The following CYP2B6 variants were observed in gnomAD, a reference collection of about 807,000 sequenced individuals.
The protein encoded by CYP2B6 is cytochrome P450 family 2 subfamily B member 6, also known as cytochrome P450 2B6.
A neutral mutation model predicts 43.4 loss-of-function variants in CYP2B6; 35 were observed. That is an observed-to-expected ratio of 0.81 (90% CI 0.62 to 1.07). The LOEUF is 1.07. CYP2B6 is among the 50% of genes least tolerant of loss of function. The pLI is 0.00. For missense variants in CYP2B6, 624 were observed against 632.8 expected, an observed-to-expected ratio of 0.99 and a Z score of 0.15; for synonymous variants, 239 against 239.2, an observed-to-expected ratio of 1.00 and a Z score of 0.01.
chr19:41,004,331 G>T lies in CYP2B6; in HGVS notation c.369G>T (p.Val123=), dbSNP rs1969143031. The T allele has an allele frequency of 1.9e-6, 3 of 1,614,004 alleles. No homozygotes were observed. Residue 123 remains valine, a synonymous_variant, in exon 3 of 9, where the codon GTG becomes GTT. Transcript: ENST00000324071. ...TTGCCAATGGAAACCGCTGGAAGGT[G>T]CTTCGGCGATTCTCTGTGACCACTA... ...VIFANGNRWK[V]LRRFSVTTMR...
chr19:41,012,057 T>C (rs967329375), intron 6 of CYP2B6, among the ~76,000 whole-genome samples: 1 of 152,152 alleles, frequency 6.6e-6, no homozygotes, highest in Non-Finnish European at 1.5e-5. Context: ...CAAGTGATTC[T>C]CCTGCCTCAG....
intron 1 of CYP2B6, among the ~76,000 whole-genome samples, chr19:41,002,215 C>G (rs142525808): frequency 1.3e-3 from 203 of 152,168 alleles, no homozygotes; most frequent in African/African-American, 4.7e-3. Flanking sequence ...TGGGGTTACC[C>G]TGGCTTGTGG....
chr19:41,009,139 T>C (rs972483030), intron 4 of CYP2B6, 80 bp from the exon 5 acceptor site: 68 of 1,192,494 alleles, frequency 5.7e-5, no homozygotes, highest in Middle Eastern at 2.6e-4. Context: ...CATGGAGGGA[T>C]TGGGGCCCAG....
intron 8 of CYP2B6, among the ~76,000 whole-genome samples, chr19:41,013,802 G>A (rs1261145123): frequency 3.9e-5 from 6 of 152,178 alleles, no homozygotes; most frequent in Admixed American, 3.9e-4. Flanking sequence ...CATGAATTGG[G>A]CAGCACAAGG....
At chr19:41,000,893 G>T (rs1969073303) in intron 1 of CYP2B6, among the ~76,000 whole-genome samples, 2 of 152,024 alleles carry the variant, frequency 1.3e-5, no homozygotes, top group Non-Finnish European at 2.9e-5. Flanking sequence ...CACAAAACTA[G>T]CTGGGCATGG....
In CYP2B6 at chr19:41,012,340, G is replaced by C. The variant is rs567219326; in HGVS notation, c.1007G>C (p.Arg336Pro). The change falls in exon 7 of 9, where the codon CGC (arginine) becomes CCC (proline). Residue 336 changes from arginine (R) to proline (P), a missense_variant. Transcript: ENST00000324071. The stretch of plus-strand genomic sequence containing the variant: ...ATTGAACAGGTGATTGGCCCACATC[G>C]CCCTCCAGAGCTTCATGACCGAGCC... Reference protein sequence around the residue: ...REIEQVIGPHRPPELHDRAKM... With the variant: ...REIEQVIGPHPPPELHDRAKM... 28 of 1,614,072 alleles carry C rather than the reference G, an allele frequency of 1.7e-5. No individual in the cohort carries two copies. The East Asian group carries it at 6.2e-4, about 36-fold the overall frequency.
chr19:41,012,424 C>T lies in CYP2B6; in HGVS notation c.1091C>T (p.Pro364Leu). The change falls in exon 7 of 9, where the codon CCC becomes CTC. Residue 364 changes from proline (P) to leucine (L), a missense_variant. By Grantham distance (98) the Pro-to-Leu change is moderately conservative. Transcript: ENST00000324071. ...YEIQRFSDLL[P>L]MGVPHIVTQH... is the part of the protein sequence containing the mutation. ...ATTCAGAGATTTTCCGACCTTCTCC[C>T]CATGGGTGTGCCCCACATTGTCACC... The T allele has an allele frequency of 6.2e-7, 1 of 1,614,104 alleles. No individual in the cohort carries two copies. Among genetic ancestry groups the T allele is most frequent in the South Asian group, 1.1e-5 (1 of 91,082 alleles).
chr19:41,013,659 G>A (rs1300756535), intron 8 of CYP2B6, among the ~76,000 whole-genome samples: 1 of 152,228 alleles, frequency 6.6e-6, no homozygotes, highest in Non-Finnish European at 1.5e-5. Context: ...TTATGGTCTA[G>A]CACTGGGAAG....
At chr19:41,013,641 G>T (rs947160189) in intron 8 of CYP2B6, among the ~76,000 whole-genome samples, 3 of 152,234 alleles carry the variant, frequency 2.0e-5, no homozygotes, top group African/African-American at 7.2e-5. Context: ...TGCAGGAGGA[G>T]TTTGGATTTA....
chr19:41,014,065 G>A (rs1282648617), intron 8 of CYP2B6, among the ~76,000 whole-genome samples: 1 of 152,148 alleles, frequency 6.6e-6, no homozygotes, highest in Non-Finnish European at 1.5e-5. Flanking sequence ...TGTTATGTAG[G>A]GAGGCTGCTT....
intron 4 of CYP2B6, among the ~76,000 whole-genome samples, chr19:41,008,378 A>AT (rs1969228241): frequency 7.1e-6 from 1 of 141,694 alleles, no homozygotes; most frequent in Admixed American, 7.2e-5. Context: ...CACCCAGCTA[A>AT]TTTTTTTGTA....
In CYP2B6 at chr19:41,013,341, C is replaced by A. The variant is rs567682545; in HGVS notation, c.1294+526C>A. On this transcript the variant is annotated intron_variant, in intron 8 of 8. Transcript: ENST00000324071. ...TAATTAGACATAATTGTGATAAGTG[C>A]TCTAAAGGGAGCTTTGGGAGCACAA... 2.5e-4 allele frequency among the ~76,000 whole-genome samples: 38 copies of A among 152,328 alleles called. No individual in the cohort carries two copies. In the South Asian group the frequency reaches 6.8e-3, roughly 27 times the overall value.
At position 41,016,761 on chromosome 19, in the gene CYP2B6, G is replaced by C; in HGVS notation, c.1410G>C (p.Leu470=). ...ASPVAPEDID[L]TPQECGVGKI... ...CCGTGGCCCCAGAAGACATCGATCT[G>C]ACACCCCAGGAGTGTGGTGTGGGCA... The change falls in exon 9 of 9, where the codon CTG becomes CTC. Residue 470 remains leucine, a synonymous_variant. Transcript: ENST00000324071. The C allele has an allele frequency of 6.2e-7, 1 of 1,614,160 alleles. No individual in the cohort carries two copies. The highest frequency in any genetic ancestry group is 8.5e-7 in the Non-Finnish European group (1 of 1,180,028).
intron 4 of CYP2B6, among the ~76,000 whole-genome samples, chr19:41,008,723 CAATT>C (rs1250835102): frequency 1.3e-5 from 2 of 152,104 alleles, no homozygotes; most frequent in African/African-American, 4.8e-5. Flanking sequence ...TGCATTTTTG[CAATT>C]ATTTGCAATA....
At chr19:41,004,624 A>T (rs1334237779) in intron 3 of CYP2B6, among the ~76,000 whole-genome samples, 178 bp downstream of exon 3, 2 of 151,978 alleles carry the variant, frequency 1.3e-5, no homozygotes, top group African/African-American at 4.8e-5. Context: ...ATAGAGAGGG[A>T]TGGGGATGGG....
At position 41,006,565 on chromosome 19, in the gene CYP2B6, G is replaced by A. The variant is rs568769911; in HGVS notation, c.485-340G>A. ...AGTCAGAGGTGGGGCCTGAGAGGAGGTGCAGAGTGAGAACCGGCTGCATGG... is the reference window on the plus strand; with the variant it reads ...AGTCAGAGGTGGGGCCTGAGAGGAGATGCAGAGTGAGAACCGGCTGCATGG... On this transcript the variant is annotated intron_variant, in intron 3 of 8. Coordinates refer to ENST00000324071, the MANE Select transcript of CYP2B6 (RefSeq NM_000767.5). Among the ~76,000 whole-genome samples the A allele has an allele frequency of 2.0e-5, 3 of 152,098 alleles. No individual in the cohort carries two copies. The South Asian group carries it at 6.2e-4, about 32-fold the overall frequency.
chr19:40,994,805 A>C (rs1968977444), intron 1 of CYP2B6, among the ~76,000 whole-genome samples: 1 of 152,160 alleles, frequency 6.6e-6, no homozygotes, highest in African/African-American at 2.4e-5. Flanking sequence ...GTATGTTATT[A>C]CGTACTGTTA....
At chr19:41,010,794 T>G (rs777925927) in intron 6 of CYP2B6, among the ~76,000 whole-genome samples, 2 of 152,170 alleles carry the variant, frequency 1.3e-5, no homozygotes, top group Non-Finnish European at 2.9e-5. Flanking sequence ...ACCCCCCTTC[T>G]GCTCCCTCAC....
In CYP2B6 at chr19:40,993,227, T is replaced by C. The variant is rs145308182; in HGVS notation, c.171+1751T>C. On this transcript the variant is annotated intron_variant, in intron 1 of 8. Coordinates refer to ENST00000324071, the MANE Select transcript of CYP2B6 (RefSeq NM_000767.5). ...GACCCACTAGAAGAAACATTAAGAG[T>C]AGAAAAGTTTGGGATAGCCAGGCTT... Among the ~76,000 whole-genome samples, 443 of 151,750 alleles carry C rather than the reference T, an allele frequency of 2.9e-3. 3 individuals are homozygous for C. Among genetic ancestry groups the C allele is most frequent in the African/African-American group, 0.01 (421 of 41,310 alleles).
Sources: allele counts gnomAD v4.1 joint callset (sites outside exome capture counted in the v4.1 genomes callset), GRCh38; gene constraint gnomAD v4.1.1; transcripts MANE v1.5; gene names NCBI Gene and HGNC (gene_info 2026-07-23, HGNC 2026-07-21).